The following CFI variants were observed in gnomAD, a reference collection of about 807,000 sequenced individuals.
The protein encoded by CFI is complement factor I, also known as C3B/C4B inactivator.
Under a neutral mutation model 78.8 loss-of-function variants are expected in CFI, and 66 were observed. That is an observed-to-expected ratio of 0.84 (90% CI 0.69 to 1.03). The LOEUF (loss-of-function observed/expected upper bound fraction) is 1.03. Ranked by LOEUF, CFI falls within the 50% of genes least tolerant of loss-of-function variation. The pLI is 0.00. For missense variants in CFI, 706 were observed against 704.5 expected (o/e 1.00, Z -0.02); for synonymous variants, 250 against 232.6 (o/e 1.07, Z -0.68).
chr4:109,760,422 A>G (rs374153717), intron 5 of CFI, 42 bp from the exon 6 acceptor site: 6 of 1,531,090 alleles, frequency 3.9e-6, no homozygotes, highest in Non-Finnish European at 5.4e-6. Context: ...CATTCCTTAA[A>G]GTTGAATGAG....
chr4:109,773,738 G>A (rs1330688386), intron 1 of CFI, among the ~76,000 whole-genome samples: 1 of 152,188 alleles, frequency 6.6e-6, no homozygotes, highest in Non-Finnish European at 1.5e-5. Flanking sequence ...AGCTGAAATA[G>A]GAGACTATCA....
At chr4:109,733,449 G>C in the CFI span, among the ~76,000 whole-genome samples, 5 of 152,236 alleles carry the variant, frequency 3.3e-5, no homozygotes, top group African/African-American at 1.2e-4. Context: ...TTTCCTGCTA[G>C]AGAGTGGCTA....
chr4:109,761,741 C>T (rs1297909172), intron 3 of CFI, 49 bp from the exon 4 acceptor site: 2 of 1,437,680 alleles, frequency 1.4e-6, no homozygotes, highest in Non-Finnish European at 1.9e-6. Flanking sequence ...TAGTACTTTG[C>T]ATTTATAACC....
chr4:109,790,996 T>C (rs1469743918), intron 1 of CFI, among the ~76,000 whole-genome samples: 1 of 152,224 alleles, frequency 6.6e-6, no homozygotes, highest in Non-Finnish European at 1.5e-5. Flanking sequence ...ATGGAATTTC[T>C]CTTTTTAGGT....
Position 109,801,955 on chromosome 4 carries a change from A to C in CFI, c.17T>G (p.Val6Gly). The change falls in exon 1 of 13, where the codon GTT becomes GGT. Residue 6 changes from valine (V) to glycine (G), a missense_variant. By Grantham distance (109) the Val-to-Gly change is moderately radical. Coordinates refer to ENST00000394634, the MANE Select transcript of CFI (RefSeq NM_000204.5). ...GTGGAAGCACAGAAATAACAGGAAA[A>C]CATGAAGAAGCTTCATGTTGGAGGT... MKLLH[V>G]FLLFLCFHLR... 1 of 1,612,818 alleles carries C rather than the reference A, an allele frequency of 6.2e-7. No homozygotes were observed. The highest frequency in any genetic ancestry group is 8.5e-7 in the Non-Finnish European group (1 of 1,179,060).
At chr4:109,778,608 G>A (rs1450472852) in intron 1 of CFI, among the ~76,000 whole-genome samples, 3 of 152,066 alleles carry the variant, frequency 2.0e-5, no homozygotes, top group Admixed American at 2.0e-4. Context: ...AGAAAAAGAG[G>A]GAATCCTCCC....
At chr4:109,744,414 G>A (rs557655363) in intron 11 of CFI, among the ~76,000 whole-genome samples, 6 of 152,076 alleles carry the variant, frequency 3.9e-5, no homozygotes, top group Non-Finnish European at 7.4e-5. Flanking sequence ...CTTCAATGCC[G>A]TGCATCCTGC....
In CFI at chr4:109,766,833, T is replaced by C. The variant is rs1441577675; in HGVS notation, c.58-9A>G. On this transcript the variant is annotated splice_polypyrimidine_tract_variant and intron_variant, in intron 1 of 12. Coordinates refer to ENST00000394634, the MANE Select transcript of CFI (RefSeq NM_000204.5). ...TGAGATGTATAAGTGACCTGTAAAA[T>C]GCAAAATAAACATTAACTTAGCAAC... 30 of 1,613,908 alleles carry C rather than the reference T, an allele frequency of 1.9e-5. No individual in the cohort carries two copies. The highest frequency in any genetic ancestry group is 2.4e-5 in the Non-Finnish European group (28 of 1,179,976).
At chr4:109,763,929 T>C (rs1727394624) in intron 3 of CFI, among the ~76,000 whole-genome samples, 1 of 150,056 alleles carries the variant, frequency 6.7e-6, no homozygotes, top group Non-Finnish European at 1.5e-5. Context: ...TATTGAAAGT[T>C]AGAAGATATT....
At chr4:109,771,880 G>A (rs1579254409) in intron 1 of CFI, among the ~76,000 whole-genome samples, 1 of 152,070 alleles carries the variant, frequency 6.6e-6, no homozygotes, top group Admixed American at 6.5e-5. Flanking sequence ...GCTAAGGGGA[G>A]GAATTTAACA....
intron 1 of CFI, among the ~76,000 whole-genome samples, chr4:109,789,624 C>T (rs1206462324): frequency 6.6e-6 from 1 of 151,918 alleles, no homozygotes; most frequent in African/African-American, 2.4e-5. Flanking sequence ...CACACAAAAG[C>T]TGAAGGAATT....
intron 1 of CFI, among the ~76,000 whole-genome samples, chr4:109,800,707 C>G (rs189894420): frequency 3.5e-4 from 53 of 152,126 alleles, no homozygotes; most frequent in Admixed American, 1.1e-3. Flanking sequence ...GATACATACA[C>G]TGTAAGATCT....
intron 2 of CFI, among the ~76,000 whole-genome samples, chr4:109,765,693 T>C (rs1727646141): frequency 6.6e-6 from 1 of 152,152 alleles, no homozygotes; most frequent in South Asian, 2.1e-4. Flanking sequence ...ACAAGATCTC[T>C]GGGTCTGACG....
Position 109,753,216 on chromosome 4 carries a change from TAA to T in CFI, c.905-715_905-714del, listed in dbSNP as rs1725461562. 4.9e-4 allele frequency among the ~76,000 whole-genome samples: 2 copies of T among 4,120 alleles called. 1 individual carries two copies. Among genetic ancestry groups the T allele is most frequent in the African/African-American group, 5.1e-4 (2 of 3,904 alleles). 2.7% of individuals were successfully genotyped at this position (4,120 alleles called of 152,430 possible). Reference sequence around the variant, plus strand: ...AATAAATATTTATAATATATATTTATAATATATTTATAATATAAATAAATATT... The same window carrying T: ...AATAAATATTTATAATATATATTTATTATATTTATAATATAAATAAATATT... On this transcript the variant is annotated intron_variant, in intron 7 of 12. Transcript: ENST00000394634.
At chr4:109,740,268 G>A (rs570201937), downstream of CFI, among the ~76,000 whole-genome samples, 1 of 151,832 alleles carries the variant, frequency 6.6e-6, no homozygotes, top group African/African-American at 2.4e-5. Context: ...TCCATCCAGG[G>A]CAACAGAGGG....
rs776295557 is a variant in CFI at position 109,741,018 on chromosome 4, C to T, written c.1627G>A (p.Val543Ile). Residue 543 changes from valine (V) to isoleucine (I), a missense_variant, in exon 13 of 13, where the codon GTT becomes ATT. Val to Ile is a conservative substitution (Grantham distance 29). Coordinates refer to ENST00000394634, the MANE Select transcript of CFI (RefSeq NM_000204.5). ...CCACAGTTTTCCCCCCAACTCACAACACCCCAGACATAAGTCACATTGTTG... is the reference window on the plus strand; with the variant it reads ...CCACAGTTTTCCCCCCAACTCACAATACCCCAGACATAAGTCACATTGTTG... ...DANNVTYVWGVVSWGENCGKP... is the reference protein window; with the variant it reads ...DANNVTYVWGIVSWGENCGKP... 6.2e-7 allele frequency: 1 copy of T among 1,614,214 alleles called. No homozygotes were observed. Among genetic ancestry groups the T allele is most frequent in the South Asian group, 1.1e-5 (1 of 91,090 alleles).
chr4:109,757,322 C>T (rs1230146051), intron 7 of CFI, among the ~76,000 whole-genome samples: 2 of 152,156 alleles, frequency 1.3e-5, no homozygotes, highest in Non-Finnish European at 2.9e-5. Flanking sequence ...GCTTAAGCCA[C>T]CGCGCCCGGC....
intron 8 of CFI, among the ~76,000 whole-genome samples, chr4:109,751,233 G>T (rs923921766): frequency 6.6e-6 from 1 of 151,932 alleles, no homozygotes; most frequent in Non-Finnish European, 1.5e-5. Flanking sequence ...GTTTTTTTTG[G>T]TCTCACCCAT....
intron 2 of CFI, 105 bp from the exon 3 acceptor site, chr4:109,764,795 G>A: frequency 2.9e-6 from 3 of 1,045,684 alleles, no homozygotes; most frequent in Non-Finnish European, 4.2e-6. Flanking sequence ...AGTGAGCTTT[G>A]AACATCATGA....
Sources: gnomAD v4.1 joint callset for allele counts (sites outside exome capture counted in the v4.1 genomes callset) on GRCh38, gnomAD v4.1.1 for gene constraint, MANE v1.5 for transcripts, NCBI Gene and HGNC (gene_info 2026-07-23, HGNC 2026-07-21) for gene names.